RAB12: variants seen among roughly 807,000 people sequenced by gnomAD.
RAB12 encodes the protein ras-related protein Rab-12.
In RAB12, 11 loss-of-function variants were observed where a neutral mutation model predicts 28.4. The ratio of observed to expected loss-of-function variants is 0.39; its 90% CI spans 0.24 to 0.64. The LOEUF is 0.64. Among genes scored for constraint, RAB12 ranks in the 30% least tolerant of loss-of-function variants. The pLI, the probability that RAB12 is intolerant of heterozygous loss-of-function variation, is 0.50. For missense variants in RAB12, 276 were observed against 351.1 expected, an observed-to-expected ratio of 0.79 and a Z score of 1.71; for synonymous variants, 138 against 145.3, an observed-to-expected ratio of 0.95 and a Z score of 0.36.
At chr18:8,637,439 C>T (rs1398626474) in intron 5 of RAB12, among the ~76,000 whole-genome samples, 1 of 152,154 alleles carries the variant, frequency 6.6e-6, no homozygotes, top group African/African-American at 2.4e-5. Flanking sequence ...GATCTGTTCT[C>T]TTCTACCATA....
intron 2 of RAB12, among the ~76,000 whole-genome samples, chr18:8,625,821 T>A (rs947418041): frequency 6.6e-6 from 1 of 152,206 alleles, no homozygotes; most frequent in Non-Finnish European, 1.5e-5. Context: ...GCTCTGATTG[T>A]TTGTCCACCA....
chr18:8,613,518 C>G (rs1314226494), intron 1 of RAB12, among the ~76,000 whole-genome samples: 2 of 152,028 alleles, frequency 1.3e-5, no homozygotes, highest in African/African-American at 4.8e-5. Context: ...CTGTTTGACT[C>G]TCATTAGTTT....
chr18:8,633,445 TTAGCCCATATA>T, intron 3 of RAB12, 118 bp downstream of exon 3: 1 of 1,153,118 alleles, frequency 8.7e-7, no homozygotes. Context: ...TAAACATCAT[TTAGCCCATATA>T]TAGCCTTCGG....
At chr18:8,634,566 A>G (rs1310283953) in intron 3 of RAB12, among the ~76,000 whole-genome samples, 1 of 152,166 alleles carries the variant, frequency 6.6e-6, no homozygotes, top group Non-Finnish European at 1.5e-5. Flanking sequence ...ATCCTACCCC[A>G]TTTGGTACTT....
In RAB12 at chr18:8,638,483, C is replaced by T; in HGVS notation, c.*221C>T. 2.0e-6 allele frequency: 1 copy of T among 501,964 alleles called. No individual in the cohort carries two copies. Among genetic ancestry groups the T allele is most frequent in the Non-Finnish European group, 3.6e-6 (1 of 277,410 alleles). The allele number at this position is 501,964 out of a possible 1,614,324, so 31.1% of individuals were successfully genotyped here. A position where few individuals can be genotyped will look rare whatever the true frequency, so the allele number is the denominator to read the frequency against. On this transcript the variant is annotated 3_prime_UTR_variant, in exon 6 of 6. Coordinates refer to ENST00000649141, the MANE Select transcript of RAB12 (RefSeq NM_001025300.3). The stretch of plus-strand genomic sequence containing the variant: ...TATATTTCATTCATTACCCCAGTGT[C>T]TAGTGTACATACACTGGGAAACCTA...
At chr18:8,637,157 C>G (rs1342788146) in intron 5 of RAB12, among the ~76,000 whole-genome samples, 1 of 151,870 alleles carries the variant, frequency 6.6e-6, no homozygotes, top group Admixed American at 6.6e-5. Flanking sequence ...GTAGTAATCC[C>G]AGCTACCCAG....
chr18:8,633,984 G>A (rs553901890), intron 3 of RAB12, among the ~76,000 whole-genome samples: 7 of 152,194 alleles, frequency 4.6e-5, no homozygotes, highest in African/African-American at 1.7e-4. Flanking sequence ...TCTTCCCCTC[G>A]TGCAGTAGTT....
rs971222163 is a variant in RAB12, at chr18:8,638,915, T to G, written c.*653T>G. On this transcript the variant is annotated 3_prime_UTR_variant, in exon 6 of 6. Transcript: ENST00000649141. ...TTCCTAAGGGATGTACCTTTATGCT[T>G]TTAAGAACTACAAAGATTCAATAAA... The G allele has an allele frequency of 2.6e-5, 4 of 152,208 alleles. No individual in the cohort carries two copies. The highest frequency in any genetic ancestry group is 5.9e-5 in the Non-Finnish European group (4 of 68,046). 9.4% of individuals were successfully genotyped at this position (152,208 alleles called of 1,614,324 possible). A position where few individuals can be genotyped will look rare whatever the true frequency, so the allele number is the denominator to read the frequency against.
At chr18:8,610,272 C>G (rs948126684) in intron 1 of RAB12, among the ~76,000 whole-genome samples, 1 of 152,174 alleles carries the variant, frequency 6.6e-6, no homozygotes, top group Non-Finnish European at 1.5e-5. Flanking sequence ...AAGCTGGGTT[C>G]GAGTGGAGCG....
intron 2 of RAB12, among the ~76,000 whole-genome samples, chr18:8,626,563 G>T (rs894610839): frequency 6.6e-6 from 1 of 152,138 alleles, no homozygotes; most frequent in Non-Finnish European, 1.5e-5. Context: ...CCTCCCTGGA[G>T]CTCTGCCCAC....
In RAB12 at chr18:8,636,466, T is replaced by C. The variant is rs148617579; in HGVS notation, c.909+109T>C. 650 of 681,970 alleles carry C rather than the reference T, an allele frequency of 9.5e-4. 8 individuals are homozygous for C. The East Asian group carries it at 0.019, about 19-fold the overall frequency. 42.2% of individuals were successfully genotyped at this position (681,970 alleles called of 1,614,324 possible). A position where few individuals can be genotyped will look rare whatever the true frequency, so the allele number is the denominator to read the frequency against. On this transcript the variant is annotated intron_variant, in intron 5 of 5. Coordinates refer to ENST00000649141, the MANE Select transcript of RAB12 (RefSeq NM_001025300.3). ...TTTAGAAACCAAAATACAGTAGTTG[T>C]GCTCAGGCGCAAGAACCAGGTATGG...
intron 3 of RAB12, among the ~76,000 whole-genome samples, chr18:8,634,753 C>T (rs766448723): frequency 6.6e-6 from 1 of 152,200 alleles, no homozygotes; most frequent in Non-Finnish European, 1.5e-5. Context: ...GATAAGGGGC[C>T]GGCACTCCTC....
In RAB12 at chr18:8,609,934, G is replaced by A. The variant is rs1344986636; in HGVS notation, c.495G>A (p.Glu165=). ...GCTTCACCGACGACACCTTCTGCGA[G>A]GCCTGCAAGTCCACCGTGGGTAAGG... The part of the protein sequence containing the change: ...MERFTDDTFC[E]ACKSTVGVDF... The change falls in exon 1 of 6, where the codon GAG becomes GAA. Residue 165 remains glutamate, a synonymous_variant. Coordinates refer to ENST00000649141, the MANE Select transcript of RAB12 (RefSeq NM_001025300.3). 1.2e-6 allele frequency: 2 copies of A among 1,608,712 alleles called. No individual in the cohort carries two copies. The highest frequency in any genetic ancestry group is 1.7e-6 in the Non-Finnish European group (2 of 1,177,844).
intron 1 of RAB12, among the ~76,000 whole-genome samples, chr18:8,618,570 C>G (rs979923070): frequency 6.6e-6 from 1 of 151,370 alleles, no homozygotes; most frequent in Non-Finnish European, 1.5e-5. Flanking sequence ...AGTACAGTGG[C>G]GCGATATTGG....
At chr18:8,628,955 A>G (rs1404990821) in intron 2 of RAB12, among the ~76,000 whole-genome samples, 2 of 152,220 alleles carry the variant, frequency 1.3e-5, no homozygotes, top group African/African-American at 4.8e-5. Context: ...TGTAATTCCT[A>G]AAATGCTTAT....
At chr18:8,623,225 T>A (rs1465495767) in intron 1 of RAB12, among the ~76,000 whole-genome samples, 1 of 152,166 alleles carries the variant, frequency 6.6e-6, no homozygotes, top group Non-Finnish European at 1.5e-5. Flanking sequence ...CTTCACAATT[T>A]ATGTTTAGAG....
chr18:8,620,334 C>T (rs2096009196), intron 1 of RAB12, among the ~76,000 whole-genome samples: 1 of 152,026 alleles, frequency 6.6e-6, no homozygotes, highest in African/African-American at 2.4e-5. Flanking sequence ...ACTAATTCAC[C>T]TGGTAGACCA....
intron 1 of RAB12, among the ~76,000 whole-genome samples, chr18:8,611,933 G>A (rs943483412): frequency 6.6e-6 from 1 of 152,202 alleles, no homozygotes; most frequent in African/African-American, 2.4e-5. Flanking sequence ...CTAACTGTGG[G>A]ATGTTCAGAG....
intron 2 of RAB12, among the ~76,000 whole-genome samples, chr18:8,626,525 T>G (rs2096012765): frequency 6.6e-6 from 1 of 152,080 alleles, no homozygotes; most frequent in Non-Finnish European, 1.5e-5. Flanking sequence ...TCCAAATGAT[T>G]TATAAAGTAT....
Sources: gnomAD v4.1 joint callset for allele counts (sites outside exome capture counted in the v4.1 genomes callset) on GRCh38, gnomAD v4.1.1 for gene constraint, MANE v1.5 for transcripts, NCBI Gene and HGNC (gene_info 2026-07-23, HGNC 2026-07-21) for gene names.